The following NMNAT2 variants were observed in gnomAD, a reference collection of about 807,000 sequenced individuals.
NMNAT2 encodes the protein nicotinamide nucleotide adenylyltransferase 2.
Under a neutral mutation model 41.6 loss-of-function variants are expected in NMNAT2, and 11 were observed. That is an observed-to-expected ratio of 0.26 (90% CI 0.17 to 0.44). The LOEUF (loss-of-function observed/expected upper bound fraction) is 0.44, where lower values mean the gene tolerates loss of function less well. Ranked by LOEUF, NMNAT2 falls within the 20% of genes least tolerant of loss-of-function variation. The probability of loss-of-function intolerance (pLI) is 1.00; values close to 1 mark genes in which losing one functional copy is unlikely to be tolerated. For missense variants in NMNAT2, 288 were observed against 407.7 expected, an observed-to-expected ratio of 0.71 and a Z score of 2.53; for synonymous variants, 148 against 151.2, an observed-to-expected ratio of 0.98 and a Z score of 0.16.
rs144926791 is a variant in NMNAT2, at chr1:183,343,449, T to C, written c.86-49656A>G. ...CTTCTCTATCCCAGTCATTACATTA[T>C]ACTACTTGATTAAATTTTTCCACAA... On this transcript the variant is annotated intron_variant, in intron 1 of 10. Transcript: ENST00000287713. Among the ~76,000 whole-genome samples the C allele has an allele frequency of 2.1e-3, 318 of 152,360 alleles. 1 individual carries two copies. Among genetic ancestry groups the C allele is most frequent in the African/African-American group, 7.4e-3 (308 of 41,594 alleles).
At chr1:183,259,273 G>A (rs1473016018) in intron 10 of NMNAT2, among the ~76,000 whole-genome samples, 1 of 152,182 alleles carries the variant, frequency 6.6e-6, no homozygotes, top group Non-Finnish European at 1.5e-5. Flanking sequence ...GGAACCACAT[G>A]CTGCCCCTCT....
intron 1 of NMNAT2, among the ~76,000 whole-genome samples, chr1:183,342,397 A>G (rs570781333): frequency 1.3e-5 from 2 of 152,328 alleles, no homozygotes; most frequent in African/African-American, 4.8e-5. Flanking sequence ...TCTCTGAAAG[A>G]CTGGAGGATG....
chr1:183,341,740 A>C (rs1475843805), intron 1 of NMNAT2, among the ~76,000 whole-genome samples: 1 of 139,104 alleles, frequency 7.2e-6, no homozygotes, highest in Admixed American at 7.2e-5. Flanking sequence ...AAAAAAAAAA[A>C]AAAAAAACCT....
chr1:183,343,750 T>C (rs1198786578), intron 1 of NMNAT2, among the ~76,000 whole-genome samples: 1 of 152,206 alleles, frequency 6.6e-6, no homozygotes, highest in African/African-American at 2.4e-5. Context: ...GTGATTTATT[T>C]TCCCTAATTC....
intron 1 of NMNAT2, among the ~76,000 whole-genome samples, chr1:183,325,972 G>C (rs543133299): frequency 6.6e-6 from 1 of 152,308 alleles, no homozygotes; most frequent in African/African-American, 2.4e-5. Flanking sequence ...TGGGGAGGGA[G>C]ACAAACAGCA....
At chr1:183,405,883 G>C (rs1477004940) in intron 1 of NMNAT2, among the ~76,000 whole-genome samples, 1 of 152,206 alleles carries the variant, frequency 6.6e-6, no homozygotes, top group Non-Finnish European at 1.5e-5. Context: ...CCAGTGTGTG[G>C]TTGACATCTC....
chr1:183,283,745 G>T, intron 7 of NMNAT2: 1 of 517,874 alleles, frequency 1.9e-6, no homozygotes, highest in East Asian at 3.6e-5. Context: ...AGGGAGTGGA[G>T]GCTCTGAAGG....
intron 1 of NMNAT2, among the ~76,000 whole-genome samples, chr1:183,307,051 CTT>C (rs373698833): frequency 6.6e-6 from 1 of 151,788 alleles, no homozygotes; most frequent in Non-Finnish European, 1.5e-5. Flanking sequence ...CTCAAAAACT[CTT>C]TGAAAAAAAA....
intron 1 of NMNAT2, among the ~76,000 whole-genome samples, chr1:183,403,867 G>A (rs1238603794): frequency 6.6e-6 from 1 of 152,164 alleles, no homozygotes. Flanking sequence ...TTCTTTACAT[G>A]GGTTAAAGTC....
chr1:183,251,721 T>G lies in NMNAT2; in HGVS notation c.*920A>C, dbSNP rs981535939. ...ATGAGGATGGACTGGCTCTGTGTGA[T>G]CATAAGCTCAGAGCATCAGGGAAAT... On this transcript the variant is annotated 3_prime_UTR_variant, in exon 11 of 11. Coordinates refer to ENST00000287713, the MANE Select transcript of NMNAT2 (RefSeq NM_015039.4). 2.0e-5 allele frequency: 3 copies of G among 152,952 alleles called. No homozygotes were observed. The highest frequency in any genetic ancestry group is 4.4e-5 in the Non-Finnish European group (3 of 68,264). The allele number at this position is 152,952 out of a possible 1,614,324, so 9.5% of individuals were successfully genotyped here. A position where few individuals can be genotyped will look rare whatever the true frequency, so the allele number is the denominator to read the frequency against.
intron 1 of NMNAT2, among the ~76,000 whole-genome samples, chr1:183,395,297 C>A (rs1489134757): frequency 1.3e-5 from 2 of 151,818 alleles, no homozygotes; most frequent in African/African-American, 4.8e-5. Flanking sequence ...ATCACCTTTT[C>A]TACCACTCTA....
chr1:183,405,065 C>T (rs1463146186), intron 1 of NMNAT2, among the ~76,000 whole-genome samples: 1 of 152,006 alleles, frequency 6.6e-6, no homozygotes, highest in African/African-American at 2.4e-5. Context: ...TATAAAAAAG[C>T]AAAAATTAGC....
intron 1 of NMNAT2, among the ~76,000 whole-genome samples, chr1:183,390,936 T>G (rs1052021791): frequency 9.2e-5 from 14 of 152,240 alleles, no homozygotes; most frequent in African/African-American, 3.4e-4. Context: ...GCACGTGAGT[T>G]TCAGGCAAAA....
chr1:183,317,180 G>A (rs1662271943), intron 1 of NMNAT2, among the ~76,000 whole-genome samples: 1 of 152,234 alleles, frequency 6.6e-6, no homozygotes, highest in African/African-American at 2.4e-5. Context: ...AGTGGGGTGG[G>A]CCTGGCTGGT....
At chr1:183,293,865 AC>A in intron 1 of NMNAT2, 72 bp from the exon 2 acceptor site, 1 of 1,052,222 alleles carries the variant, frequency 9.5e-7, no homozygotes, top group Non-Finnish European at 1.5e-6. Flanking sequence ...TGAAATCAAT[AC>A]GCTCAGCTCT....
chr1:183,306,176 CT>C (rs1661989674), intron 1 of NMNAT2, among the ~76,000 whole-genome samples: 1 of 38,540 alleles, frequency 2.6e-5, no homozygotes, highest in African/African-American at 1.0e-4. Context: ...CCTGGGAGAC[CT>C]TAGTCCCCGA....
chr1:183,327,116 T>C (rs1385406461), intron 1 of NMNAT2, among the ~76,000 whole-genome samples: 1 of 152,140 alleles, frequency 6.6e-6, no homozygotes, highest in East Asian at 1.9e-4. Flanking sequence ...GGTGGTGCAA[T>C]CTCGGCTCAC....
intron 7 of NMNAT2, among the ~76,000 whole-genome samples, chr1:183,279,268 A>G (rs1023183756): frequency 6.6e-6 from 1 of 152,152 alleles, no homozygotes; most frequent in Non-Finnish European, 1.5e-5. Flanking sequence ...TCCCTCATTA[A>G]GCTCACTCTG....
At chr1:183,387,895 A>C (rs536789599) in intron 1 of NMNAT2, among the ~76,000 whole-genome samples, 1 of 152,356 alleles carries the variant, frequency 6.6e-6, no homozygotes, top group African/African-American at 2.4e-5. Flanking sequence ...GTAGATTCTC[A>C]GTCGGGTGGT....
Sources: gnomAD v4.1 joint callset for allele counts (sites outside exome capture counted in the v4.1 genomes callset) on GRCh38, gnomAD v4.1.1 for gene constraint, MANE v1.5 for transcripts, NCBI Gene and HGNC (gene_info 2026-07-23, HGNC 2026-07-21) for gene names.